Variants in GRIK4 observed in about 807,000 individuals in gnomAD.
GRIK4 encodes the protein glutamate ionotropic receptor kainate type subunit 4, also known as glutamate receptor ionotropic, kainate 4.
GRIK4 carries 40 observed loss-of-function variants against 104.9 expected under a neutral mutation model. The ratio of observed to expected loss-of-function variants is 0.38; its 90% CI spans 0.30 to 0.50. The LOEUF is 0.50. Ranked by LOEUF, GRIK4 falls within the 20% of genes least tolerant of loss-of-function variation. The pLI is 0.93. For missense variants in GRIK4, 1,047 were observed against 1,308.1 expected (o/e 0.80, Z 3.08); for synonymous variants, 485 against 524.9 (o/e 0.92, Z 1.04).
rs1019371187 is a variant in GRIK4 at position 120,539,428 on chromosome 11, C to T, written c.-159+27541C>T. 2.6e-5 allele frequency among the ~76,000 whole-genome samples: 4 copies of T among 152,228 alleles called. 1 individual carries two copies. The South Asian group carries it at 6.2e-4, about 24-fold the overall frequency. On this transcript the variant is annotated intron_variant, in intron 1 of 20. Coordinates refer to ENST00000527524, the MANE Select transcript of GRIK4 (RefSeq NM_014619.5). ...TCACAAAAGGAACCACTTGTGCGAA[C>T]ATGATCTTATTTGCTTTTCACAACC...
At chr11:120,536,161 A>T (rs960517661) in intron 1 of GRIK4, among the ~76,000 whole-genome samples, 2 of 152,260 alleles carry the variant, frequency 1.3e-5, no homozygotes, top group Admixed American at 1.3e-4. Context: ...AGAAAGGTAG[A>T]TTAAAAAGTA....
chr11:120,924,724 T>G (rs913669500), intron 13 of GRIK4, among the ~76,000 whole-genome samples: 3 of 152,178 alleles, frequency 2.0e-5, no homozygotes, highest in African/African-American at 7.2e-5. Context: ...GCTGTGGGTC[T>G]CAAGAACGAT....
At chr11:120,664,283 C>T (rs757497557) in intron 3 of GRIK4, among the ~76,000 whole-genome samples, 8 of 152,174 alleles carry the variant, frequency 5.3e-5, no homozygotes, top group Non-Finnish European at 1.2e-4. Context: ...TAGGAATGGG[C>T]TGAAGATCCT....
chr11:120,911,265 G>A (rs1336412986), intron 13 of GRIK4, among the ~76,000 whole-genome samples: 1 of 148,400 alleles, frequency 6.7e-6, no homozygotes, highest in Admixed American at 6.7e-5. Context: ...TTGAGACGGA[G>A]TTTCACTCTG....
At chr11:120,841,754 C>G (rs1184597272) in intron 8 of GRIK4, among the ~76,000 whole-genome samples, 1 of 152,186 alleles carries the variant, frequency 6.6e-6, no homozygotes, top group Non-Finnish European at 1.5e-5. Flanking sequence ...GTCCCGGTTT[C>G]TCTGCAACCT....
intron 1 of GRIK4, among the ~76,000 whole-genome samples, chr11:120,600,366 A>G (rs1000019302): frequency 2.6e-5 from 4 of 152,178 alleles, no homozygotes; most frequent in African/African-American, 7.2e-5. Flanking sequence ...AAAGAAAACT[A>G]GAGTTTTCCT....
chr11:120,601,647 G>T lies in GRIK4; in HGVS notation c.-158-52038G>T, dbSNP rs796608510. Among the ~76,000 whole-genome samples, 887 of 125,180 alleles carry T rather than the reference G, an allele frequency of 7.1e-3. 17 individuals carry two copies. Among genetic ancestry groups the T allele is most frequent in the African/African-American group, 0.025 (827 of 32,612 alleles). The allele number at this position is 125,180 out of a possible 152,430, so 82.1% of individuals were successfully genotyped here. ...TGGTTCTGTTGTTGTTGTGTGTGTGGTTTTTTTTTTTTTTTTTTTAAGTTG... is the reference window on the plus strand; with the variant it reads ...TGGTTCTGTTGTTGTTGTGTGTGTGTTTTTTTTTTTTTTTTTTTTAAGTTG... On this transcript the variant is annotated intron_variant, in intron 1 of 20. Coordinates refer to ENST00000527524, the MANE Select transcript of GRIK4 (RefSeq NM_014619.5).
Position 120,611,817 on chromosome 11 carries a change from G to A in GRIK4, c.-158-41868G>A, listed in dbSNP as rs1030538788. Reference sequence around the variant, plus strand: ...AGTGTTCCTGAAATGTTCATTGGACGGATGAGTGCTCTAATTCCAGGCCTG... The same window carrying A: ...AGTGTTCCTGAAATGTTCATTGGACAGATGAGTGCTCTAATTCCAGGCCTG... On this transcript the variant is annotated intron_variant, in intron 1 of 20. Transcript: ENST00000527524. Among the ~76,000 whole-genome samples, 3 of 152,184 alleles carry A rather than the reference G, an allele frequency of 2.0e-5. 1 individual carries two copies. The highest frequency in any genetic ancestry group is 4.1e-4 in the South Asian group (2 of 4,824).
At chr11:120,875,089 A>G (rs1157130739) in intron 10 of GRIK4, 50 bp from the exon 11 acceptor site, 1 of 1,170,546 alleles carries the variant, frequency 8.5e-7, no homozygotes, top group South Asian at 1.2e-5. Flanking sequence ...CTTGGGGGCA[A>G]GTGTAACCTG....
At chr11:120,572,382 C>T (rs868637246) in intron 1 of GRIK4, among the ~76,000 whole-genome samples, 10 of 152,298 alleles carry the variant, frequency 6.6e-5, no homozygotes, top group Middle Eastern at 3.4e-3. Flanking sequence ...CCATCTGAAT[C>T]GGGCAGGTCA....
At chr11:120,814,949 GCCTT>G (rs897749682) in intron 4 of GRIK4, among the ~76,000 whole-genome samples, 9 of 152,180 alleles carry the variant, frequency 5.9e-5, no homozygotes, top group African/African-American at 2.2e-4. Context: ...CTGCCTGCCT[GCCTT>G]CCTTCTCCCA....
chr11:120,623,902 G>C (rs1374871192), intron 1 of GRIK4, among the ~76,000 whole-genome samples: 1 of 151,978 alleles, frequency 6.6e-6, no homozygotes, highest in East Asian at 1.9e-4. Context: ...GTGGCACCCT[G>C]CTTCTCTCTG....
intron 1 of GRIK4, among the ~76,000 whole-genome samples, chr11:120,602,097 G>T (rs545432070): frequency 7.4e-4 from 113 of 152,082 alleles, no homozygotes; most frequent in Non-Finnish European, 1.3e-3. Flanking sequence ...TGCCTTCCCC[G>T]GGCTCTCATC....
chr11:120,609,002 C>G (rs1948998078), intron 1 of GRIK4, among the ~76,000 whole-genome samples: 1 of 152,210 alleles, frequency 6.6e-6, no homozygotes, highest in African/African-American at 2.4e-5. Flanking sequence ...TTGTAGCCAC[C>G]AGTGCCTGTA....
At chr11:120,664,843 T>G (rs1423805664) in intron 3 of GRIK4, among the ~76,000 whole-genome samples, 1 of 152,156 alleles carries the variant, frequency 6.6e-6, no homozygotes, top group East Asian at 1.9e-4. Flanking sequence ...CAGGGCTCAG[T>G]CGAGGTGGCA....
At chr11:120,526,451 G>T (rs1375758212) in intron 1 of GRIK4, among the ~76,000 whole-genome samples, 1 of 152,148 alleles carries the variant, frequency 6.6e-6, no homozygotes, top group African/African-American at 2.4e-5. Context: ...TCCCACCTCG[G>T]CCTCTCAAAG....
At chr11:120,679,949 C>A (rs1950163186) in intron 3 of GRIK4, among the ~76,000 whole-genome samples, 1 of 152,232 alleles carries the variant, frequency 6.6e-6, no homozygotes, top group Admixed American at 6.5e-5. Context: ...TTGCCTCTCA[C>A]ATCGCTGGGC....
At chr11:120,974,794 G>A (rs73582995) in intron 19 of GRIK4, among the ~76,000 whole-genome samples, 178 of 152,284 alleles carry the variant, frequency 1.2e-3, no homozygotes, top group African/African-American at 4.1e-3. Context: ...AAAATGAAAC[G>A]GCAGATCCTG....
chr11:120,859,707 C>T (rs1404146818), intron 8 of GRIK4, among the ~76,000 whole-genome samples: 1 of 152,248 alleles, frequency 6.6e-6, no homozygotes, highest in African/African-American at 2.4e-5. Flanking sequence ...CCCCCTTGTG[C>T]CTACCGATAG....
Sources: allele counts gnomAD v4.1 joint callset (sites outside exome capture counted in the v4.1 genomes callset), GRCh38; gene constraint gnomAD v4.1.1; transcripts MANE v1.5; gene names NCBI Gene and HGNC (gene_info 2026-07-23, HGNC 2026-07-21).